CORO2A: variants seen among roughly 807,000 people sequenced by gnomAD.
The protein encoded by CORO2A is coronin 2A.
A neutral mutation model predicts 62.4 loss-of-function variants in CORO2A; 47 were observed. The ratio of observed to expected loss-of-function variants is 0.75; its 90% CI spans 0.60 to 0.96. The LOEUF (loss-of-function observed/expected upper bound fraction) is 0.96. Among genes scored for constraint, CORO2A ranks in the 40% least tolerant of loss-of-function variants. The pLI is 0.00. For synonymous variants in CORO2A, 273 were observed against 268.9 expected, an observed-to-expected ratio of 1.02 and a Z score of -0.15; for missense variants, 610 against 684.1, an observed-to-expected ratio of 0.89 and a Z score of 1.21.
chr9:98,134,608 C>T (rs1827458253), intron 4 of CORO2A, among the ~76,000 whole-genome samples, 198 bp downstream of exon 4: 1 of 152,078 alleles, frequency 6.6e-6, no homozygotes, highest in African/African-American at 2.4e-5. Context: ...GCAGCTATAG[C>T]CAAGGATGCC....
At chr9:98,189,166 C>T (rs1464380357) in intron 1 of CORO2A, among the ~76,000 whole-genome samples, 1 of 152,204 alleles carries the variant, frequency 6.6e-6, no homozygotes, top group African/African-American at 2.4e-5. Flanking sequence ...AAGTCACATA[C>T]TGGCCGTTTC....
intron 1 of CORO2A, among the ~76,000 whole-genome samples, chr9:98,166,872 AG>A (rs1164624856): frequency 6.6e-6 from 1 of 152,104 alleles, no homozygotes; most frequent in African/African-American, 2.4e-5. Context: ...TGGGAGGATG[AG>A]GTGGATCGCT....
chr9:98,126,627 G>A lies in CORO2A; in HGVS notation c.1368C>T (p.His456=), dbSNP rs1337132755. ...EEKMPRWAAE[H]RLEEKKTWLT... is the part of the protein sequence containing the mutation. Reference sequence around the variant, plus strand: ...GCCAGGTTTTCTTCTCCTCCAGCCTGTGTTCTGCTGCCCACCTTGGCATCT... The same window carrying A: ...GCCAGGTTTTCTTCTCCTCCAGCCTATGTTCTGCTGCCCACCTTGGCATCT... Residue 456 remains histidine, a synonymous_variant, in exon 11 of 12, where the codon CAC becomes CAT. Coordinates refer to ENST00000375077, the MANE Select transcript of CORO2A (RefSeq NM_052820.4). The A allele has an allele frequency of 6.2e-7, 1 of 1,613,998 alleles. No individual in the cohort carries two copies. Among genetic ancestry groups the A allele is most frequent in the African/African-American group, 1.3e-5 (1 of 74,898 alleles).
chr9:98,167,237 A>G (rs1207491569), intron 1 of CORO2A, among the ~76,000 whole-genome samples: 1 of 152,220 alleles, frequency 6.6e-6, no homozygotes, highest in African/African-American at 2.4e-5. Context: ...TTCCACTTAT[A>G]TGAGTTACTT....
intron 1 of CORO2A, among the ~76,000 whole-genome samples, chr9:98,183,832 A>C (rs1828205917): frequency 6.6e-6 from 1 of 152,172 alleles, no homozygotes; most frequent in African/African-American, 2.4e-5. Flanking sequence ...GTGGTAGTGC[A>C]TGCCTGTGAT....
At position 98,149,425 on chromosome 9, in the gene CORO2A, C is replaced by T. The variant is rs943652659; in HGVS notation, c.201+8035G>A. 1.1e-4 allele frequency among the ~76,000 whole-genome samples: 17 copies of T among 152,256 alleles called. No individual in the cohort carries two copies. In the South Asian group the frequency reaches 1.2e-3, roughly 11 times the overall value. ...GGGTGTGTTAGTCCATTTTGCATTG[C>T]TATATAGGAATATGTGAGGCTGAGT... On this transcript the variant is annotated intron_variant, in intron 2 of 11. Coordinates refer to ENST00000375077, the MANE Select transcript of CORO2A (RefSeq NM_052820.4).
intron 2 of CORO2A, among the ~76,000 whole-genome samples, chr9:98,153,440 T>C (rs113574541): frequency 0.067 from 8,571 of 128,554 alleles, 670 homozygotes; most frequent in African/African-American, 0.2. Context: ...TGGGGTCTTA[T>C]TCTGTCACCC....
At chr9:98,186,534 AGAG>A (rs1293746870) in intron 1 of CORO2A, among the ~76,000 whole-genome samples, 2 of 152,232 alleles carry the variant, frequency 1.3e-5, no homozygotes, top group Non-Finnish European at 2.9e-5. Context: ...TGGGATGAGA[AGAG>A]GAGAAGATAT....
intron 4 of CORO2A, among the ~76,000 whole-genome samples, chr9:98,133,543 T>A (rs1421394863): frequency 6.6e-6 from 1 of 152,102 alleles, no homozygotes; most frequent in African/African-American, 2.4e-5. Flanking sequence ...CTCCCACAGA[T>A]CAACAGGGCT....
intron 1 of CORO2A, among the ~76,000 whole-genome samples, chr9:98,167,844 G>C (rs1827981997): frequency 6.6e-6 from 1 of 152,238 alleles, no homozygotes; most frequent in African/African-American, 2.4e-5. Flanking sequence ...GCGGTTGTTG[G>C]ACAGAGGAGG....
intron 1 of CORO2A, among the ~76,000 whole-genome samples, chr9:98,166,044 A>G (rs1187791169): frequency 6.6e-6 from 1 of 152,244 alleles, no homozygotes; most frequent in Non-Finnish European, 1.5e-5. Context: ...AACAGGAAAC[A>G]CTACTTATAA....
At chr9:98,164,237 G>A (rs532676729) in intron 1 of CORO2A, among the ~76,000 whole-genome samples, 3 of 152,298 alleles carry the variant, frequency 2.0e-5, no homozygotes, top group Non-Finnish European at 2.9e-5. Context: ...GATAAAGAAC[G>A]CTCTATGTGA....
intron 1 of CORO2A, among the ~76,000 whole-genome samples, chr9:98,184,503 C>T (rs1431553901): frequency 6.6e-6 from 1 of 152,218 alleles, no homozygotes; most frequent in Non-Finnish European, 1.5e-5. Flanking sequence ...ACTACTCTTT[C>T]TCTTACCGTG....
chr9:98,134,989 G>A (rs1430985757), intron 3 of CORO2A, 34 bp from the exon 4 acceptor site: 2 of 1,607,768 alleles, frequency 1.2e-6, no homozygotes, highest in Middle Eastern at 1.7e-4. Flanking sequence ...GGCAGCATTA[G>A]CCAGGGCACC....
intron 2 of CORO2A, among the ~76,000 whole-genome samples, chr9:98,146,636 G>C (rs1261267014): frequency 6.6e-6 from 1 of 152,192 alleles, no homozygotes; most frequent in African/African-American, 2.4e-5. Context: ...ACGTAATCCT[G>C]GTAACAAGTA....
chr9:98,183,950 G>A (rs1235318894), intron 1 of CORO2A, among the ~76,000 whole-genome samples: 1 of 152,174 alleles, frequency 6.6e-6, no homozygotes, highest in Non-Finnish European at 1.5e-5. Context: ...GACACAGCAA[G>A]ACTCTGTCTT....
Position 98,124,921 on chromosome 9 carries a change from CG to C in CORO2A, c.1447-17del, listed in dbSNP as rs1564198093. ...TCTGCAGCAACTGGGGAAGAAAGAT[CG>C]GAAGGCAGGATCACCATGGTGTCAG... On this transcript the variant is annotated splice_polypyrimidine_tract_variant and intron_variant, in intron 11 of 11. Transcript: ENST00000375077. 6.4e-7 allele frequency: 1 copy of C among 1,555,116 alleles called. No individual in the cohort carries two copies. The highest frequency in any genetic ancestry group is 8.7e-7 in the Non-Finnish European group (1 of 1,148,314).
chr9:98,159,825 T>C (rs190289182), intron 1 of CORO2A, among the ~76,000 whole-genome samples: 154 of 151,776 alleles, frequency 1.0e-3, no homozygotes, highest in Non-Finnish European at 2.0e-3. Context: ...GCTCCAGGAG[T>C]GTCCAGCACA....
At chr9:98,132,063 C>T (rs1827415901) in intron 6 of CORO2A, 122 bp downstream of exon 6, 1 of 806,476 alleles carries the variant, frequency 1.2e-6, no homozygotes, top group Middle Eastern at 2.4e-4. Context: ...GGATCCCCAG[C>T]ACCTGGCAGT....
Sources: allele counts gnomAD v4.1 joint callset (sites outside exome capture counted in the v4.1 genomes callset), GRCh38; gene constraint gnomAD v4.1.1; transcripts MANE v1.5; gene names NCBI Gene and HGNC (gene_info 2026-07-23, HGNC 2026-07-21).